CTTN: variants seen among roughly 807,000 people sequenced by gnomAD.
The protein encoded by CTTN is cortactin, also known as src substrate cortactin.
In CTTN, 28 loss-of-function variants were observed where a neutral mutation model predicts 84.0. The ratio of observed to expected loss-of-function variants is 0.33; its 90% confidence interval spans 0.25 to 0.46. CTTN has a LOEUF of 0.46. CTTN is among the 20% of genes least tolerant of loss of function. The probability of loss-of-function intolerance (pLI) is 1.00; values close to 1 mark genes in which losing one functional copy is unlikely to be tolerated. For synonymous variants in CTTN, 301 were observed against 288.8 expected, an observed-to-expected ratio of 1.04 and a Z score of -0.43; for missense variants, 641 against 723.8, an observed-to-expected ratio of 0.89 and a Z score of 1.31.
chr11:70,431,195 A>C lies in CTTN; in HGVS notation c.1181A>C (p.Gln394Pro). 1 of 1,614,182 alleles carries C rather than the reference A, an allele frequency of 6.2e-7. No individual in the cohort carries two copies. Among genetic ancestry groups the C allele is most frequent in the Non-Finnish European group, 8.5e-7 (1 of 1,180,014 alleles). The change falls in exon 15 of 18, where the codon CAA becomes CCA. Residue 394 changes from glutamine (Q) to proline (P), a missense_variant. This residue lies in a region of CTTN where 289 missense variants were observed against 273.1 expected (regional missense o/e 1.06). Coordinates refer to ENST00000301843, the MANE Select transcript of CTTN (RefSeq NM_005231.4). ...QEEARRKLEEQARAKTQTPPV... is the reference protein window; with the variant it reads ...QEEARRKLEEPARAKTQTPPV... ...GCTGTTTGTTTTCAATCACAGGAGC[A>C]AGCCAGAGCCAAAACGCAAACGCCC... is the stretch of plus-strand genomic sequence containing the variant.
chr11:70,434,605 C>T (rs1591454438), intron 17 of CTTN, among the ~76,000 whole-genome samples: 1 of 152,290 alleles, frequency 6.6e-6, no homozygotes, highest in Non-Finnish European at 1.5e-5. Flanking sequence ...CTTTTGCCCT[C>T]CATTCCCATT....
At chr11:70,405,013 A>G (rs2058026692) in intron 1 of CTTN, among the ~76,000 whole-genome samples, 2 of 152,254 alleles carry the variant, frequency 1.3e-5, no homozygotes, top group Admixed American at 1.3e-4. Context: ...AAAAAAAACA[A>G]AACAAAAAAG....
At chr11:70,401,253 G>A (rs1227192753) in intron 1 of CTTN, among the ~76,000 whole-genome samples, 3 of 151,454 alleles carry the variant, frequency 2.0e-5, no homozygotes, top group South Asian at 2.1e-4. Context: ...GGCAGATCAC[G>A]AGGTCAGGAG....
chr11:70,414,293 C>T (rs1208374141), intron 5 of CTTN, among the ~76,000 whole-genome samples: 1 of 151,206 alleles, frequency 6.6e-6, no homozygotes, highest in African/African-American at 2.4e-5. Context: ...TGCAGTGAGC[C>T]GAGACCCCGC....
chr11:70,420,621 C>T lies in CTTN; in HGVS notation c.790+111C>T, dbSNP rs183724282. 286 of 796,778 alleles carry T rather than the reference C, an allele frequency of 3.6e-4. 2 individuals are homozygous for T. In the African/African-American group the frequency reaches 4.0e-3, roughly 11 times the overall value. 49.4% of individuals were successfully genotyped at this position (796,778 alleles called of 1,614,324 possible). A position where few individuals can be genotyped will look rare whatever the true frequency, so the allele number is the denominator to read the frequency against. ...GTGTGCCTGCTGCACATTGTTTTGT[C>T]TTCACTGTTTGAAGTTGTCCTGTGT... On this transcript the variant is annotated intron_variant, in intron 10 of 17. Coordinates refer to ENST00000301843, the MANE Select transcript of CTTN (RefSeq NM_005231.4).
intron 5 of CTTN, among the ~76,000 whole-genome samples, chr11:70,414,112 G>C (rs986080926): frequency 6.6e-6 from 1 of 152,320 alleles, no homozygotes; most frequent in South Asian, 2.1e-4. Context: ...TTGGGAGGCC[G>C]AGGCGGGTGG....
At chr11:70,423,466 G>A (rs556034490) in intron 12 of CTTN, among the ~76,000 whole-genome samples, 37 of 152,326 alleles carry the variant, frequency 2.4e-4, no homozygotes, top group African/African-American at 7.9e-4. Context: ...CTGCTCCTGC[G>A]CGTGGCCTGT....
intron 5 of CTTN, 119 bp downstream of exon 5, chr11:70,410,079 T>C (rs2058082422): frequency 9.1e-7 from 1 of 1,092,912 alleles, no homozygotes; most frequent in Non-Finnish European, 1.4e-6. Context: ...TCTGCTGAGG[T>C]TGCGATTTGC....
chr11:70,424,057 G>A (rs560981491), intron 12 of CTTN, among the ~76,000 whole-genome samples: 3 of 152,284 alleles, frequency 2.0e-5, no homozygotes, highest in Admixed American at 6.5e-5. Flanking sequence ...CTGTGGAGCC[G>A]AAGAACTGGG....
intron 11 of CTTN, chr11:70,422,359 G>A (rs138111340): frequency 0.023 from 11,265 of 480,876 alleles, 188 homozygotes; most frequent in Non-Finnish European, 0.033. Flanking sequence ...ACACACCTGG[G>A]GTGGTCCCGC....
chr11:70,435,989 C>G lies in CTTN; in HGVS notation c.*827C>G. On this transcript the variant is annotated 3_prime_UTR_variant, in exon 18 of 18. Coordinates refer to ENST00000301843, the MANE Select transcript of CTTN (RefSeq NM_005231.4). ...ACAAAGGCTGATGTCTTAACTGTCA[C>G]CCATATGGTCCCTGGGCCACCGGGC... 1 of 1,429,078 alleles carries G rather than the reference C, an allele frequency of 7.0e-7. No homozygotes were observed. The highest frequency in any genetic ancestry group is 1.5e-5 in the South Asian group (1 of 65,626). The allele number at this position is 1,429,078 out of a possible 1,614,324, so 88.5% of individuals were successfully genotyped here.
At chr11:70,422,737 G>T in intron 11 of CTTN, 1 of 1,453,174 alleles carries the variant, frequency 6.9e-7, no homozygotes, top group African/African-American at 1.4e-5. Flanking sequence ...CCTGGCCTGT[G>T]CTCTGCTTCT....
Position 70,425,393 on chromosome 11 carries a change from T to G in CTTN, c.1019T>G (p.Val340Gly), listed in dbSNP as rs141314124. The G allele has an allele frequency of 4.7e-3, 7,634 of 1,611,004 alleles. 28 individuals carry two copies. The highest frequency in any genetic ancestry group is 5.9e-3 in the Non-Finnish European group (6,967 of 1,178,506). ...TCTGCCTACCAGAAGACAGTACCTG[T>G]CGAAGCTGGTGAGTCCCGGCTGATA... ...VSSAYQKTVP[V>G]EAVTSKTSNI... Residue 340 changes from valine to glycine, a missense_variant, in exon 13 of 18, where the codon GTC becomes GGC. Val to Gly is a moderately radical substitution (Grantham distance 109). Transcript: ENST00000301843.
At position 70,407,574 on chromosome 11, in the gene CTTN, G is replaced by A. The variant is rs2058056078; in HGVS notation, c.144G>A (p.Gly48=). 3 of 1,613,584 alleles carry A rather than the reference G, an allele frequency of 1.9e-6. No individual in the cohort carries two copies. Among genetic ancestry groups the A allele is most frequent in the Admixed American group, 3.3e-5 (2 of 59,996 alleles). The part of the protein sequence containing the change: ...RWGAKTVQGS[G]HQEHINIHKL... Reference sequence around the variant, plus strand: ...GTGCCAAGACGGTGCAGGGCTCCGGGCACCAGGAGCATATCAAGTAAGAGG... The same window carrying A: ...GTGCCAAGACGGTGCAGGGCTCCGGACACCAGGAGCATATCAAGTAAGAGG... Residue 48 remains glycine, a synonymous_variant, in exon 4 of 18, where the codon GGG becomes GGA. Coordinates refer to ENST00000301843, the MANE Select transcript of CTTN (RefSeq NM_005231.4).
At position 70,425,344 on chromosome 11, in the gene CTTN, T is replaced by C. The variant is rs1275981367; in HGVS notation, c.970T>C (p.Phe324Leu). The C allele has an allele frequency of 6.2e-7, 1 of 1,612,414 alleles. No individual in the cohort carries two copies. The highest frequency in any genetic ancestry group is 1.3e-5 in the African/African-American group (1 of 74,988). Residue 324 changes from phenylalanine (F) to leucine (L), a missense_variant, in exon 13 of 18, where the codon TTT becomes CTT. Physicochemically the swap from Phe to Leu is conservative, Grantham distance 22. Coordinates refer to ENST00000301843, the MANE Select transcript of CTTN (RefSeq NM_005231.4). ...KDRMDKNAST[F>L]EDVTQVSSAY... Reference sequence around the variant, plus strand: ...CCTGTCTCTGCAGAATGCGTCAACCTTTGAGGATGTCACCCAGGTGTCCTC... The same window carrying C: ...CCTGTCTCTGCAGAATGCGTCAACCCTTGAGGATGTCACCCAGGTGTCCTC...
chr11:70,429,943 G>C (rs985059320), intron 14 of CTTN, among the ~76,000 whole-genome samples: 8 of 152,144 alleles, frequency 5.3e-5, no homozygotes, highest in Non-Finnish European at 1.0e-4. Context: ...TGGAAGCCTG[G>C]GCTTCTCCTA....
At position 70,398,585 on chromosome 11, in the gene CTTN, C is replaced by G. The variant is rs375415533; in HGVS notation, c.-127C>G. 1.3e-5 allele frequency: 2 copies of G among 152,106 alleles called. No homozygotes were observed. The highest frequency in any genetic ancestry group is 4.8e-5 in the African/African-American group (2 of 41,416). 9.4% of individuals were successfully genotyped at this position (152,106 alleles called of 1,614,324 possible). A position where few individuals can be genotyped will look rare whatever the true frequency, so the allele number is the denominator to read the frequency against. On this transcript the variant is annotated 5_prime_UTR_variant, in exon 1 of 18. Coordinates refer to ENST00000301843, the MANE Select transcript of CTTN (RefSeq NM_005231.4). The stretch of plus-strand genomic sequence containing the variant: ...CGGCTGGCGCGGCGGAATCCAGGGC[C>G]GACCCGGGCCGGACCGACCCCAGGC...
intron 1 of CTTN, among the ~76,000 whole-genome samples, chr11:70,401,927 A>G (rs1193237792): frequency 6.6e-6 from 1 of 152,144 alleles, no homozygotes; most frequent in Non-Finnish European, 1.5e-5. Flanking sequence ...GAGGCTGGCA[A>G]ATCACTTGAG....
At chr11:70,421,612 C>A in intron 11 of CTTN, 32 bp downstream of exon 11, 1 of 1,513,910 alleles carries the variant, frequency 6.6e-7, no homozygotes, top group East Asian at 2.3e-5. Context: ...TACCCTCCCC[C>A]CGACCCTCCT....
Sources: allele counts gnomAD v4.1 joint callset (sites outside exome capture counted in the v4.1 genomes callset), GRCh38; gene constraint gnomAD v4.1.1; regional missense constraint gnomAD v4.1.1; transcripts MANE v1.5; gene names NCBI Gene and HGNC (gene_info 2026-07-23, HGNC 2026-07-21).